The following SFMBT2 variants were observed in gnomAD, a reference collection of about 807,000 sequenced individuals.
SFMBT2 encodes scm-like with four MBT domains protein 2.
Under a neutral mutation model 110.1 loss-of-function variants are expected in SFMBT2, and 38 were observed. The observed-to-expected ratio is 0.35, with a 90% confidence interval of 0.27 to 0.45. The LOEUF is 0.45. SFMBT2 is among the 20% of genes least tolerant of loss of function. SFMBT2 has a pLI of 1.00. For missense variants in SFMBT2, 1,011 were observed against 1,094.9 expected, an observed-to-expected ratio of 0.92 and a Z score of 1.08; for synonymous variants, 425 against 425.4, an observed-to-expected ratio of 1.00 and a Z score of 0.01.
intron 11 of SFMBT2, among the ~76,000 whole-genome samples, chr10:7,208,668 A>G (rs1318026193): frequency 6.9e-6 from 1 of 145,632 alleles, no homozygotes; most frequent in African/African-American, 2.6e-5. Context: ...CCTGGGCAAC[A>G]AGAGCAAAAT....
At chr10:7,358,007 A>C (rs1330432491) in intron 4 of SFMBT2, among the ~76,000 whole-genome samples, 1 of 152,028 alleles carries the variant, frequency 6.6e-6, no homozygotes, top group Non-Finnish European at 1.5e-5. Flanking sequence ...GCCCTGTGAC[A>C]TCAACATGGC....
At position 7,321,735 on chromosome 10, in the gene SFMBT2, T is replaced by C. The variant is rs187520873; in HGVS notation, c.437-35781A>G. On this transcript the variant is annotated intron_variant, in intron 4 of 20. Transcript: ENST00000397167. ...TCTCCCTTGTCCATTTCCAAGCATA[T>C]AGCTTTAAGCTATGAACTACTTGAA... Among the ~76,000 whole-genome samples, 25 of 152,340 alleles carry C rather than the reference T, an allele frequency of 1.6e-4. No homozygotes were observed. The East Asian group carries it at 4.6e-3, about 28-fold the overall frequency.
chr10:7,200,970 T>C (rs1458172630), intron 13 of SFMBT2: 3 of 456,808 alleles, frequency 6.6e-6, no homozygotes, highest in Non-Finnish European at 8.6e-6. Flanking sequence ...ATCTATAAAC[T>C]GGCATATCTT....
At chr10:7,405,942 C>T (rs190893377) in intron 1 of SFMBT2, among the ~76,000 whole-genome samples, 2 of 151,036 alleles carry the variant, frequency 1.3e-5, no homozygotes. Context: ...CGCATAATTT[C>T]CCAACTTTTT....
chr10:7,345,049 A>C (rs1844064014), intron 4 of SFMBT2, among the ~76,000 whole-genome samples: 4 of 151,978 alleles, frequency 2.6e-5, no homozygotes. Context: ...CAGGAGAAAA[A>C]GGAGACAAAC....
At chr10:7,186,530 T>C (rs1388113391) in intron 16 of SFMBT2, among the ~76,000 whole-genome samples, 1 of 151,652 alleles carries the variant, frequency 6.6e-6, no homozygotes, top group African/African-American at 2.4e-5. Flanking sequence ...AGGCTGGTCT[T>C]GAATTCCTGG....
chr10:7,254,684 T>C (rs1840938193), intron 7 of SFMBT2, among the ~76,000 whole-genome samples: 1 of 151,968 alleles, frequency 6.6e-6, no homozygotes, highest in Non-Finnish European at 1.5e-5. Context: ...AAAAATTAGC[T>C]GGGCATGGTG....
chr10:7,171,489 G>C lies in SFMBT2; in HGVS notation c.2415+406C>G. 1.0e-6 allele frequency: 1 copy of C among 985,376 alleles called. No individual in the cohort carries two copies. The highest frequency in any genetic ancestry group is 1.2e-6 in the Non-Finnish European group (1 of 829,890). The allele number at this position is 985,376 out of a possible 1,614,324, so 61.0% of individuals were successfully genotyped here. On this transcript the variant is annotated intron_variant, in intron 19 of 20. Transcript: ENST00000397167. This position sits in a 1 kb window ranked among gnomAD's most constrained non-coding sequence, Gnocchi z 4.9. Reference sequence around the variant, plus strand: ...CCACCCATGGGGCTAGGGGAGACCTGAAACACTGATTAAATATTTTAAAAC... The same window carrying C: ...CCACCCATGGGGCTAGGGGAGACCTCAAACACTGATTAAATATTTTAAAAC...
chr10:7,198,508 A>G (rs1334995380), intron 14 of SFMBT2, among the ~76,000 whole-genome samples: 1 of 152,186 alleles, frequency 6.6e-6, no homozygotes, highest in Admixed American at 6.5e-5. Context: ...GACTACCCCA[A>G]TTGACACTCT....
chr10:7,159,130 T>G lies in SFMBT2; in HGVS notation c.*4640A>C, dbSNP rs940524762. ...GCCACACAAAAAGCACTGCTCTGCG[T>G]TGGTTAGGCGACACGACCGTCATAC... On this transcript the variant is annotated 3_prime_UTR_variant, in exon 21 of 21. Coordinates refer to ENST00000397167, the MANE Select transcript of SFMBT2 (RefSeq NM_001387889.1). 6.6e-6 allele frequency: 1 copy of G among 152,228 alleles called. No individual in the cohort carries two copies. Among genetic ancestry groups the G allele is most frequent in the South Asian group, 2.1e-4 (1 of 4,832 alleles). The allele number at this position is 152,228 out of a possible 1,614,324, so 9.4% of individuals were successfully genotyped here.
At chr10:7,323,869 G>T (rs1034438305) in intron 4 of SFMBT2, among the ~76,000 whole-genome samples, 2 of 152,144 alleles carry the variant, frequency 1.3e-5, no homozygotes, top group Non-Finnish European at 2.9e-5. Context: ...AAATGATACA[G>T]ATGATAGAGT....
intron 2 of SFMBT2, chr10:7,370,972 C>G (rs1199971503): frequency 6.1e-6 from 1 of 163,782 alleles, no homozygotes; most frequent in Non-Finnish European, 1.3e-5. Flanking sequence ...CCAACTCTTA[C>G]CTACTGCCGG....
chr10:7,238,991 A>T (rs1840350161), intron 9 of SFMBT2, among the ~76,000 whole-genome samples: 1 of 152,204 alleles, frequency 6.6e-6, no homozygotes, highest in African/African-American at 2.4e-5. Flanking sequence ...TTACCAGGAA[A>T]ATCCTTACTA....
At chr10:7,321,165 G>A (rs1309010685) in intron 4 of SFMBT2, among the ~76,000 whole-genome samples, 2 of 150,870 alleles carry the variant, frequency 1.3e-5, no homozygotes, top group East Asian at 3.9e-4. Flanking sequence ...AAAGGAGAGG[G>A]TAACCCTAAG....
At chr10:7,224,435 G>A (rs1016778174) in intron 10 of SFMBT2, among the ~76,000 whole-genome samples, 1 of 152,206 alleles carries the variant, frequency 6.6e-6, no homozygotes, top group Non-Finnish European at 1.5e-5. Flanking sequence ...CAGGATCTGT[G>A]GTTGCCCAAA....
chr10:7,410,211 C>A (rs1446405264), intron 1 of SFMBT2, among the ~76,000 whole-genome samples: 1 of 152,244 alleles, frequency 6.6e-6, no homozygotes, highest in Admixed American at 6.5e-5. Flanking sequence ...ACCATCCTCG[C>A]TGGAGCACGC....
chr10:7,172,869 C>T lies in SFMBT2; in HGVS notation c.1985-208G>A, dbSNP rs990819477. Among the ~76,000 whole-genome samples, 7 of 152,164 alleles carry T rather than the reference C, an allele frequency of 4.6e-5. No homozygotes were observed. Among genetic ancestry groups the T allele is most frequent in the African/African-American group, 1.7e-4 (7 of 41,426 alleles). ...TGTTCGGGCTGAACTTGGCCCGTCC[C>T]CAGTGTTGAAGCCCAAACCCCCAAA... On this transcript the variant is annotated intron_variant, in intron 17 of 20. Coordinates refer to ENST00000397167, the MANE Select transcript of SFMBT2 (RefSeq NM_001387889.1). The surrounding 1 kb of genome is among the most constrained non-coding windows in gnomAD (Gnocchi z 4.6).
intron 4 of SFMBT2, among the ~76,000 whole-genome samples, chr10:7,360,553 G>GA (rs951331100): frequency 9.3e-5 from 14 of 150,550 alleles, no homozygotes; most frequent in African/African-American, 2.4e-4. Flanking sequence ...TTTCTGGGGG[G>GA]AAAAAAAAAC....
chr10:7,198,092 A>G, intron 14 of SFMBT2: 1 of 985,318 alleles, frequency 1.0e-6, no homozygotes, highest in Non-Finnish European at 1.2e-6. Flanking sequence ...TGTCAACTTC[A>G]CCACACACAG....
Sources: allele counts gnomAD v4.1 joint callset (sites outside exome capture counted in the v4.1 genomes callset), GRCh38; gene constraint gnomAD v4.1.1; non-coding constraint Gnocchi (gnomAD v3.1); transcripts MANE v1.5; gene names NCBI Gene and HGNC (gene_info 2026-07-23, HGNC 2026-07-21).